Variants in ITFG2 observed in about 807,000 individuals in gnomAD.
The protein encoded by ITFG2 is integrin alpha FG-GAP repeat containing 2.
A neutral mutation model predicts 54.4 loss-of-function variants in ITFG2; 36 were observed. The ratio of observed to expected loss-of-function variants is 0.66; its 90% CI spans 0.51 to 0.87. ITFG2 has a LOEUF of 0.87. ITFG2 is among the 40% of genes least tolerant of loss of function. ITFG2 has a pLI of 0.00. For synonymous variants in ITFG2, 211 were observed against 225.4 expected, an observed-to-expected ratio of 0.94 and a Z score of 0.57; for missense variants, 524 against 576.7, an observed-to-expected ratio of 0.91 and a Z score of 0.94.
At chr12:2,842,031 T>C (rs2098042307) in intron 2 of ITFG2, among the ~76,000 whole-genome samples, 1 of 151,514 alleles carries the variant, frequency 6.6e-6, no homozygotes, top group African/African-American at 2.4e-5. Flanking sequence ...ATTGATAATA[T>C]TTTTGATCTA....
At chr12:2,848,983 C>T (rs955485313) in intron 2 of ITFG2, 2 of 504,000 alleles carry the variant, frequency 4.0e-6, no homozygotes, top group Non-Finnish European at 7.0e-6. Context: ...TACCCAGCCT[C>T]CTGGCCGCAG....
chr12:2,848,726 G>T (rs1006189200), intron 2 of ITFG2, among the ~76,000 whole-genome samples: 2 of 152,144 alleles, frequency 1.3e-5, no homozygotes, highest in South Asian at 4.2e-4. Flanking sequence ...GTCCAGGGAG[G>T]GGGTGGCATT....
Position 2,821,786 on chromosome 12 carries a change from T to C in ITFG2, c.942T>C (p.Asp314=). Residue 314 remains aspartate (D), a synonymous_variant, in exon 9 of 12, where the codon GAT becomes GAC. Coordinates refer to ENST00000228799, the MANE Select transcript of ITFG2 (RefSeq NM_018463.4). ...AGCTCTTTGCCCTGGAGAAACTGGA[T>C]GTCACCGTGAGTGGAAAACCTGGCA... is the stretch of plus-strand genomic sequence containing the variant. The part of the protein sequence containing the change: ...DHQLFALEKL[D]VTGNGHEEVV... The C allele has an allele frequency of 6.2e-7, 1 of 1,613,244 alleles. No homozygotes were observed.
At chr12:2,840,746 A>G (rs981337927) in intron 1 of ITFG2, 1 of 152,216 alleles carries the variant, frequency 6.6e-6, no homozygotes, top group African/African-American at 2.4e-5. Flanking sequence ...AGATCACGCC[A>G]CTGCCCTCCA....
intron 2 of ITFG2, chr12:2,830,548 G>A (rs1027297034): frequency 3.0e-6 from 2 of 670,602 alleles, no homozygotes; most frequent in Non-Finnish European, 4.9e-6. Flanking sequence ...CTTGGGGCAG[G>A]GAGGAAGGAG....
downstream of ITFG2, among the ~76,000 whole-genome samples, chr12:2,829,118 C>T (rs368900046): frequency 1.3e-5 from 2 of 151,988 alleles, no homozygotes; most frequent in Admixed American, 6.5e-5. Context: ...AATGGAGAAA[C>T]GGTGATTTGT....
intron 2 of ITFG2, chr12:2,855,121 G>T (rs934818921): frequency 6.5e-7 from 1 of 1,533,634 alleles, no homozygotes; most frequent in Non-Finnish European, 8.7e-7. Context: ...CTCCGTGGGG[G>T]GGCATCTGTG....
Position 2,823,798 on chromosome 12 carries a change from C to T in ITFG2, c.1095C>T (p.Asn365=). 6.3e-7 allele frequency: 1 copy of T among 1,585,678 alleles called. No homozygotes were observed. Among genetic ancestry groups the T allele is most frequent in the South Asian group, 1.2e-5 (1 of 86,790 alleles). Residue 365 remains asparagine, a synonymous_variant, in exon 11 of 12, where the codon AAC becomes AAT. Transcript: ENST00000228799. ...AGLYACKEGR[N]SPCLVYVTFN... is the part of the protein sequence containing the mutation. ...TGTACGCCTGCAAAGAGGGCCGCAACAGCCCCTGCCTCGTATATGTCACTT... is the reference window on the plus strand; with the variant it reads ...TGTACGCCTGCAAAGAGGGCCGCAATAGCCCCTGCCTCGTATATGTCACTT...
At chr12:2,817,664 A>G in intron 2 of ITFG2, 1 of 521,616 alleles carries the variant, frequency 1.9e-6, no homozygotes. Context: ...TATTAAATAC[A>G]GAGTTTCTAT....
upstream of ITFG2, chr12:2,835,603 A>G (rs2098025382): frequency 6.6e-6 from 1 of 152,168 alleles, no homozygotes; most frequent in South Asian, 2.1e-4. Flanking sequence ...ACGAGTAGAA[A>G]TTGTCCCTGG....
At chr12:2,814,990 T>G (rs1252119602) in intron 1 of ITFG2, among the ~76,000 whole-genome samples, 1 of 151,998 alleles carries the variant, frequency 6.6e-6, no homozygotes, top group African/African-American at 2.4e-5. Flanking sequence ...TTTTTTTTTT[T>G]GAGACGGAGT....
chr12:2,855,496 C>G, intron 2 of ITFG2: 1 of 1,348,514 alleles, frequency 7.4e-7, no homozygotes. Context: ...GACAGGGGTG[C>G]AGAAAGGTGG....
chr12:2,828,133 G>A, downstream of ITFG2: 2 of 1,334,898 alleles, frequency 1.5e-6, no homozygotes, highest in South Asian at 1.3e-5. Context: ...CTCTACTATG[G>A]TTTCATCTCC....
chr12:2,856,023 C>T (rs1603495143), intron 2 of ITFG2, among the ~76,000 whole-genome samples: 1 of 152,144 alleles, frequency 6.6e-6, no homozygotes, highest in Non-Finnish European at 1.5e-5. Context: ...AGAATGGCAG[C>T]TCCTTCCCCT....
At chr12:2,826,101 A>T (rs559068206), downstream of ITFG2, 1 of 152,138 alleles carries the variant, frequency 6.6e-6, no homozygotes, top group African/African-American at 2.4e-5. Context: ...GAGAGACTCA[A>T]ACCAGCCAGA....
intron 2 of ITFG2, 101 bp from the exon 3 acceptor site, chr12:2,817,808 C>T: frequency 5.6e-6 from 6 of 1,077,764 alleles, no homozygotes; most frequent in Middle Eastern, 2.8e-4. Flanking sequence ...CTTCAGTGAG[C>T]GATGGTGATT....
chr12:2,856,099 A>G (rs957412254), intron 2 of ITFG2, among the ~76,000 whole-genome samples: 12 of 152,094 alleles, frequency 7.9e-5, no homozygotes, highest in African/African-American at 2.7e-4. Flanking sequence ...CTAAATACTT[A>G]CATGGATCTT....
At chr12:2,819,004 T>C (rs2097932607) in intron 4 of ITFG2, among the ~76,000 whole-genome samples, 1 of 148,648 alleles carries the variant, frequency 6.7e-6, no homozygotes, top group Non-Finnish European at 1.5e-5. Context: ...GGCAACAGAC[T>C]CCGTCTCCAA....
intron 2 of ITFG2, among the ~76,000 whole-genome samples, chr12:2,850,475 C>CAAAAAAA (rs1275655927): frequency 5.7e-4 from 40 of 70,684 alleles, no homozygotes; most frequent in Non-Finnish European, 1.1e-3. Flanking sequence ...GACTCTGTCT[C>CAAAAAAA]AAAAAAAAAA....
Sources: gnomAD v4.1 joint callset for allele counts (sites outside exome capture counted in the v4.1 genomes callset) on GRCh38, gnomAD v4.1.1 for gene constraint, MANE v1.5 for transcripts, NCBI Gene and HGNC (gene_info 2026-07-23, HGNC 2026-07-21) for gene names.